Variants in HTT observed in about 807,000 individuals in gnomAD.
HTT encodes huntington disease protein.
HTT carries 104 observed loss-of-function variants against 362.3 expected under a neutral mutation model. The ratio of observed to expected loss-of-function variants is 0.29; its 90% CI spans 0.24 to 0.34. HTT has a LOEUF of 0.34. HTT is among the 10% of genes least tolerant of loss of function. HTT has a pLI of 1.00. For missense variants in HTT, 3,301 were observed against 3,928.6 expected, an observed-to-expected ratio of 0.84 and a Z score of 4.27; for synonymous variants, 1,577 against 1,548.7, an observed-to-expected ratio of 1.02 and a Z score of -0.43.
intron 2 of HTT, among the ~76,000 whole-genome samples, chr4:3,096,091 A>T (rs1713843189): frequency 6.6e-6 from 1 of 152,258 alleles, no homozygotes; most frequent in Non-Finnish European, 1.5e-5. Flanking sequence ...TGTTAATATC[A>T]GACAAAGTGG....
intron 41 of HTT, among the ~76,000 whole-genome samples, 164 bp from the exon 42 acceptor site, chr4:3,203,843 A>G (rs1719710176): frequency 6.6e-6 from 1 of 152,260 alleles, no homozygotes; most frequent in African/African-American, 2.4e-5. Context: ...GCTTAGGAAT[A>G]GATAACTGAG....
Position 3,222,249 on chromosome 4 carries a change from C to T in HTT, c.7370-138C>T, listed in dbSNP as rs917850583. ...GGATAGTGTTCCCCGCATCATAGAA[C>T]TGTGTGAGGTTTAAGGGACTCACTG... On this transcript the variant is annotated intron_variant, in intron 53 of 66. Transcript: ENST00000355072. 1.7e-5 allele frequency: 11 copies of T among 637,500 alleles called. No homozygotes were observed. The East Asian group carries it at 3.0e-4, about 17-fold the overall frequency. 39.5% of individuals were successfully genotyped at this position (637,500 alleles called of 1,614,324 possible). A position where few individuals can be genotyped will look rare whatever the true frequency, so the allele number is the denominator to read the frequency against.
chr4:3,176,026 T>G (rs1030442684), intron 33 of HTT, among the ~76,000 whole-genome samples: 4 of 117,242 alleles, frequency 3.4e-5, no homozygotes, highest in Non-Finnish European at 6.9e-5. Context: ...TTGTTGTTTG[T>G]TTTTTTTTGT....
At chr4:3,235,199 C>T in intron 61 of HTT, 85 bp from the exon 62 acceptor site, 3 of 998,218 alleles carry the variant, frequency 3.0e-6, no homozygotes, top group Non-Finnish European at 4.7e-6. Context: ...TAGCTCTACA[C>T]TCCCGCGTGG....
intron 2 of HTT, among the ~76,000 whole-genome samples, chr4:3,089,052 C>G: frequency 6.6e-6 from 1 of 152,164 alleles, no homozygotes; most frequent in East Asian, 1.9e-4. Context: ...CCTGTGTAAG[C>G]TGGGTGACTT....
At position 3,236,213 on chromosome 4, in the gene HTT, A is replaced by G; in HGVS notation, c.8850A>G (p.Ser2950=). 3 of 1,614,154 alleles carry G rather than the reference A, an allele frequency of 1.9e-6. No individual in the cohort carries two copies. The highest frequency in any genetic ancestry group is 2.5e-6 in the Non-Finnish European group (3 of 1,179,946). ...ATCCTGCAGCCCCCGACAGCGAGTCAGTGATTGTTGCTATGGAGCGGGTAT... is the reference window on the plus strand; with the variant it reads ...ATCCTGCAGCCCCCGACAGCGAGTCGGTGATTGTTGCTATGGAGCGGGTAT... ...DPNPAAPDSE[S]VIVAMERVSV... Residue 2950 remains serine (S), a synonymous_variant, in exon 64 of 67, where the codon TCA becomes TCG. Transcript: ENST00000355072.
At chr4:3,237,365 C>T (rs777779158) in intron 64 of HTT, among the ~76,000 whole-genome samples, 6 of 152,330 alleles carry the variant, frequency 3.9e-5, no homozygotes, top group East Asian at 1.9e-4. Context: ...TGAGCCACTG[C>T]GCCCGGCCCC....
Position 3,130,046 on chromosome 4 carries a change from G to A in HTT, c.1866G>A (p.Met622Ile). 6.2e-7 allele frequency: 1 copy of A among 1,604,912 alleles called. No individual in the cohort carries two copies. The highest frequency in any genetic ancestry group is 8.5e-7 in the Non-Finnish European group (1 of 1,176,076). ...CGGAGGCCTTCAGGAACTCTTCCAT[G>A]GGTATGTGGACTACAGGTGATGCGC... ...EASEAFRNSS[M>I]ALQQAHLLKN... Residue 622 changes from methionine to isoleucine, a missense_variant and splice_region_variant, in exon 13 of 67, where the codon ATG becomes ATA. By Grantham distance (10) the Met-to-Ile change is conservative (BLOSUM62 1). Coordinates refer to ENST00000355072, the MANE Select transcript of HTT (RefSeq NM_001388492.1).
At chr4:3,135,432 A>ATAATTTAG (rs1353303161) in intron 19 of HTT, among the ~76,000 whole-genome samples, 84 of 148,062 alleles carry the variant, frequency 5.7e-4, no homozygotes, top group Middle Eastern at 7.0e-3. Flanking sequence ...ATTTTCCTTT[A>ATAATTTAG]TAATTTAGGG....
In HTT at chr4:3,223,849, G is replaced by A. The variant is rs150479320; in HGVS notation, c.7626-143G>A. 1.6e-3 allele frequency: 1,322 copies of A among 818,566 alleles called. 7 individuals are homozygous for A. Among genetic ancestry groups the A allele is most frequent in the Middle Eastern group, 3.3e-3 (12 of 3,616 alleles). 50.7% of individuals were successfully genotyped at this position (818,566 alleles called of 1,614,324 possible). On this transcript the variant is annotated intron_variant, in intron 55 of 66. Coordinates refer to ENST00000355072, the MANE Select transcript of HTT (RefSeq NM_001388492.1). ...GTAGAACACCCACTTAAGGGCTCAC[G>A]GACAGGTGCTCACTTAGGAAGTGAG... is the stretch of plus-strand genomic sequence containing the variant.
At chr4:3,153,530 T>C (rs934152910) in intron 26 of HTT, among the ~76,000 whole-genome samples, 5 of 152,220 alleles carry the variant, frequency 3.3e-5, no homozygotes, top group African/African-American at 1.2e-4. Flanking sequence ...TGAATACATC[T>C]GGATTTGTTG....
chr4:3,217,006 C>T (rs1212281109), intron 51 of HTT, among the ~76,000 whole-genome samples: 6 of 148,376 alleles, frequency 4.0e-5, no homozygotes, highest in African/African-American at 1.5e-4. Flanking sequence ...GCCTGGGCGA[C>T]AGAGCAAGAC....
intron 40 of HTT, among the ~76,000 whole-genome samples, chr4:3,197,500 C>T (rs573661392): frequency 7.9e-5 from 12 of 152,126 alleles, no homozygotes; most frequent in Admixed American, 1.3e-4. Context: ...TAGGAGGTGG[C>T]CCTCAGAGTC....
chr4:3,163,030 T>G (rs905119324), intron 29 of HTT, among the ~76,000 whole-genome samples: 1 of 152,208 alleles, frequency 6.6e-6, no homozygotes, highest in Non-Finnish European at 1.5e-5. Flanking sequence ...GCTTCCAGTT[T>G]TTGCCCATTC....
rs56382946 is a variant in HTT, at chr4:3,218,519, G to A, written c.7242+567G>A. Among the ~76,000 whole-genome samples, 5,166 of 152,150 alleles carry A rather than the reference G, an allele frequency of 0.034. 268 individuals carry two copies. Among genetic ancestry groups the A allele is most frequent in the African/African-American group, 0.11 (4,701 of 41,478 alleles). ...GTGGTGGTGTACGCCTGTAATCCCA[G>A]CTACTCAGGAGACTGAGACAGGAGA... On this transcript the variant is annotated intron_variant, in intron 52 of 66. Transcript: ENST00000355072. The surrounding 1 kb of genome is among the most constrained non-coding windows in gnomAD (Gnocchi z 4.4).
At position 3,107,324 on chromosome 4, in the gene HTT, A is replaced by G; in HGVS notation, c.648A>G (p.Thr216=). The change falls in exon 6 of 67, where the codon ACA becomes ACG. Residue 216 remains threonine (T), a synonymous_variant. Transcript: ENST00000355072. The part of the protein sequence containing the change: ...LVNLLPCLTR[T]SKRPEESVQE... Reference sequence around the variant, plus strand: ...ACCTTCTGCCGTGCCTGACTCGAACAAGCAAGAGACCCGAAGAATCAGTCC... The same window carrying G: ...ACCTTCTGCCGTGCCTGACTCGAACGAGCAAGAGACCCGAAGAATCAGTCC... 1 of 1,614,230 alleles carries G rather than the reference A, an allele frequency of 6.2e-7. No homozygotes were observed. Among genetic ancestry groups the G allele is most frequent in the Non-Finnish European group, 8.5e-7 (1 of 1,180,032 alleles).
chr4:3,132,659 C>T lies in HTT; in HGVS notation c.2334C>T (p.Ser778=). ...TAILCGTLIC[S]ILSRSRFHVG... ...TTCTCTGTGGGACCCTCATCTGCTC[C>T]ATCCTCAGCAGGTCCCGCTTCCACG... The change falls in exon 17 of 67, where the codon TCC becomes TCT. Residue 778 remains serine, a synonymous_variant. Coordinates refer to ENST00000355072, the MANE Select transcript of HTT (RefSeq NM_001388492.1). The T allele has an allele frequency of 6.2e-7, 1 of 1,614,150 alleles. No individual in the cohort carries two copies. Among genetic ancestry groups the T allele is most frequent in the South Asian group, 1.1e-5 (1 of 91,084 alleles).
At chr4:3,187,487 C>CT (rs1367879229) in intron 38 of HTT, among the ~76,000 whole-genome samples, 164 bp from the exon 39 acceptor site, 1 of 152,162 alleles carries the variant, frequency 6.6e-6, no homozygotes, top group Admixed American at 6.5e-5. Context: ...CCAGGTGAAA[C>CT]TAATGCCTGC....
intron 3 of HTT, 60 bp from the exon 4 acceptor site, chr4:3,103,764 G>A: frequency 2.9e-6 from 3 of 1,040,230 alleles, no homozygotes; most frequent in Non-Finnish European, 2.9e-6. Context: ...TTTCCTTTTA[G>A]CTCGTTTTAG....
Sources: gnomAD v4.1 joint callset for allele counts (sites outside exome capture counted in the v4.1 genomes callset) on GRCh38, gnomAD v4.1.1 for gene constraint, Gnocchi (gnomAD v3.1) non-coding constraint, MANE v1.5 for transcripts, NCBI Gene and HGNC (gene_info 2026-07-23, HGNC 2026-07-21) for gene names.